The following GMEB2 variants were observed in gnomAD, a reference collection of about 807,000 sequenced individuals.
GMEB2 encodes the protein glucocorticoid modulatory element binding protein 2, also known as glucocorticoid modulatory element-binding protein 2.
GMEB2 carries 7 observed loss-of-function variants against 45.7 expected under a neutral mutation model. The ratio of observed to expected loss-of-function variants is 0.15; its 90% confidence interval spans 0.09 to 0.29. GMEB2 has a LOEUF of 0.29. Ranked by LOEUF, GMEB2 falls within the 10% of genes least tolerant of loss-of-function variation. GMEB2 has a pLI of 1.00. For synonymous variants in GMEB2, 322 were observed against 323.6 expected (o/e 1.00, Z 0.05); for missense variants, 582 against 739.2 (o/e 0.79, Z 2.47).
At position 63,595,886 on chromosome 20, in the gene GMEB2, G is replaced by A. The variant is rs367609671; in HGVS notation, c.462-119C>T. ...GGCAGGCCTAGCAGAGGCGCTGGCA[G>A]CTCCACAGGGCAGGGTGGGCTCTAC... is the stretch of plus-strand genomic sequence containing the variant. On this transcript the variant is annotated intron_variant, in intron 5 of 9. Transcript: ENST00000370077. The A allele has an allele frequency of 2.6e-5, 21 of 802,828 alleles. No homozygotes were observed. The East Asian group carries it at 3.6e-4, about 14-fold the overall frequency. The allele number at this position is 802,828 out of a possible 1,614,324, so 49.7% of individuals were successfully genotyped here. A position where few individuals can be genotyped will look rare whatever the true frequency, so the allele number is the denominator to read the frequency against.
chr20:63,613,793 T>G, intron 2 of GMEB2, among the ~76,000 whole-genome samples: 1 of 152,166 alleles, frequency 6.6e-6, no homozygotes. Flanking sequence ...ATTACAGGTG[T>G]GAGCCACTGC....
intron 2 of GMEB2, among the ~76,000 whole-genome samples, chr20:63,606,629 G>A (rs183382604): frequency 6.9e-4 from 105 of 152,274 alleles, no homozygotes; most frequent in African/African-American, 2.4e-3. Flanking sequence ...TTACAGGCAT[G>A]AGCCACTGCG....
intron 2 of GMEB2, among the ~76,000 whole-genome samples, chr20:63,615,804 G>A (rs1023850227): frequency 1.3e-5 from 2 of 152,204 alleles, no homozygotes; most frequent in Non-Finnish European, 1.5e-5. Context: ...GACGCCCCAT[G>A]CTCCCTTTGT....
At position 63,590,392 on chromosome 20, in the gene GMEB2, T is replaced by C; in HGVS notation, c.1290A>G (p.Gly430=). The change falls in exon 10 of 10, where the codon GGA becomes GGG. Residue 430 remains glycine (G), a synonymous_variant. Transcript: ENST00000370077. The stretch of plus-strand genomic sequence containing the variant: ...AGCCGGAAGAGGCCAAGACTGTGTA[T>C]CCCCCGAGCAGCGGGGAGGCCGGGG... ...ASSPASPLLG[G]YTVLASSGST... The C allele has an allele frequency of 6.3e-7, 1 of 1,589,076 alleles. No individual in the cohort carries two copies. Among genetic ancestry groups the C allele is most frequent in the Non-Finnish European group, 8.6e-7 (1 of 1,162,242 alleles).
chr20:63,597,164 G>GTTT (rs10627120), intron 5 of GMEB2, among the ~76,000 whole-genome samples: 61,943 of 132,278 alleles, frequency 0.47, 16,077 homozygotes, highest in Middle Eastern at 0.58. Flanking sequence ...TTTTATTCTT[G>GTTT]TTTTTTTTTT....
rs2089632496 is a variant in GMEB2, at chr20:63,619,646, ACCCGTTTTT to A, written c.-57-201_-57-193del. 2.9e-6 allele frequency: 1 copy of A among 347,966 alleles called. No homozygotes were observed. The highest frequency in any genetic ancestry group is 5.3e-6 in the Non-Finnish European group (1 of 187,806). 21.6% of individuals were successfully genotyped at this position (347,966 alleles called of 1,614,324 possible). A position where few individuals can be genotyped will look rare whatever the true frequency, so the allele number is the denominator to read the frequency against. On this transcript the variant is annotated intron_variant, in intron 1 of 9. Coordinates refer to ENST00000370077, the MANE Select transcript of GMEB2 (RefSeq NM_012384.5). This position sits in a 1 kb window ranked among gnomAD's most constrained non-coding sequence, Gnocchi z 4.6. Reference sequence around the variant, plus strand: ...TCCGAGGGCGGTGTAAGCGCACTCCACCCGTTTTTCCCACTGGATAAGCCGAAACCCTTG... The same window carrying A: ...TCCGAGGGCGGTGTAAGCGCACTCCACCCACTGGATAAGCCGAAACCCTTG...
intron 2 of GMEB2, among the ~76,000 whole-genome samples, chr20:63,616,359 G>A (rs2089608383): frequency 6.6e-6 from 1 of 152,306 alleles, no homozygotes; most frequent in Non-Finnish European, 1.5e-5. Flanking sequence ...CAGGAAAATT[G>A]CTTCAACCCG....
chr20:63,606,438 T>C (rs1250785662), intron 2 of GMEB2, among the ~76,000 whole-genome samples: 2 of 151,242 alleles, frequency 1.3e-5, no homozygotes, highest in East Asian at 4.0e-4. Context: ...AGCTCTGCCT[T>C]CCGGGTTCAC....
intron 1 of GMEB2, among the ~76,000 whole-genome samples, chr20:63,625,029 T>C (rs191604490): frequency 1.0e-3 from 157 of 152,150 alleles, no homozygotes; most frequent in Admixed American, 1.8e-3. Context: ...ATATTAAAGG[T>C]TCAAAGCAAT....
At chr20:63,624,155 G>T (rs570142861) in intron 1 of GMEB2, among the ~76,000 whole-genome samples, 3 of 150,642 alleles carry the variant, frequency 2.0e-5, no homozygotes, top group Middle Eastern at 3.3e-3. Flanking sequence ...GGTGGCTCAC[G>T]CCTGTAATCC....
chr20:63,610,216 T>C (rs1202758934), intron 2 of GMEB2, among the ~76,000 whole-genome samples: 1 of 152,100 alleles, frequency 6.6e-6, no homozygotes, highest in Non-Finnish European at 1.5e-5. Flanking sequence ...CTTCCAGAAG[T>C]TTGCTTAAAA....
At chr20:63,609,387 C>A (rs202132870) in intron 2 of GMEB2, among the ~76,000 whole-genome samples, 6,502 of 114,528 alleles carry the variant, frequency 0.057, 117 homozygotes, top group East Asian at 0.19. Context: ...CTGACCTCAC[C>A]TCCATTTCTA....
At chr20:63,617,630 G>A (rs1178913112) in intron 2 of GMEB2, among the ~76,000 whole-genome samples, 1 of 151,828 alleles carries the variant, frequency 6.6e-6, no homozygotes, top group African/African-American at 2.4e-5. Context: ...CGGGTGAGGT[G>A]ACCTGGACAC....
chr20:63,609,599 T>C (rs184535018), intron 2 of GMEB2, among the ~76,000 whole-genome samples: 2 of 15,452 alleles, frequency 1.3e-4, no homozygotes, highest in African/African-American at 2.8e-4. Context: ...CCTCCATTTC[T>C]AGAAACATGC....
rs2089505338 is a variant in GMEB2 at position 63,604,781 on chromosome 20, G to T, written c.191C>A (p.Ala64Asp). The change falls in exon 3 of 10, where the codon GCC becomes GAC. Residue 64 changes from alanine to aspartate, a missense_variant. Ala to Asp is a moderately radical substitution (Grantham distance 126, BLOSUM62 -2). Coordinates refer to ENST00000370077, the MANE Select transcript of GMEB2 (RefSeq NM_012384.5). ...TENAAAAAAAAFTASSQLKEA... is the reference protein window; with the variant it reads ...TENAAAAAAADFTASSQLKEA... ...CTTGAGCTGGGAGGAGGCTGTGAAG[G>T]CCGCGGCAGCTGCTGCCGCTGCATT... 6.2e-7 allele frequency: 1 copy of T among 1,612,414 alleles called. No individual in the cohort carries two copies. Among genetic ancestry groups the T allele is most frequent in the African/African-American group, 1.3e-5 (1 of 75,046 alleles).
intron 5 of GMEB2, among the ~76,000 whole-genome samples, 167 bp downstream of exon 5, chr20:63,597,590 C>A (rs570396764): frequency 6.6e-6 from 1 of 152,144 alleles, no homozygotes; most frequent in Non-Finnish European, 1.5e-5. Context: ...GTGTGGGAGA[C>A]GGGTTTACAG....
Position 63,591,475 on chromosome 20 carries a change from G to T in GMEB2, c.952+547C>A, listed in dbSNP as rs75522078. ...CCAGCCCTTCCCATTCTCTGTCATT[G>T]TTTTTTTTTGAGACAGGGTCTCGCT... On this transcript the variant is annotated intron_variant, in intron 9 of 9. Coordinates refer to ENST00000370077, the MANE Select transcript of GMEB2 (RefSeq NM_012384.5). Among the ~76,000 whole-genome samples the T allele has an allele frequency of 5.3e-5, 8 of 151,062 alleles. No homozygotes were observed. The East Asian group carries it at 1.6e-3, about 29-fold the overall frequency.
intron 4 of GMEB2, among the ~76,000 whole-genome samples, chr20:63,602,449 G>A (rs949407028): frequency 3.3e-5 from 5 of 152,218 alleles, no homozygotes; most frequent in Admixed American, 2.0e-4. Flanking sequence ...AAGGCTCTCA[G>A]GGCAAAAGCT....
chr20:63,615,971 T>C (rs1205199957), intron 2 of GMEB2, among the ~76,000 whole-genome samples: 1 of 152,248 alleles, frequency 6.6e-6, no homozygotes, highest in East Asian at 1.9e-4. Context: ...TAGGAATCTC[T>C]AGGTAGTAGT....
Sources: gnomAD v4.1 joint callset for allele counts (sites outside exome capture counted in the v4.1 genomes callset) on GRCh38, gnomAD v4.1.1 for gene constraint, Gnocchi (gnomAD v3.1) non-coding constraint, MANE v1.5 for transcripts, NCBI Gene and HGNC (gene_info 2026-07-23, HGNC 2026-07-21) for gene names.